Variants in SPAG16 observed in about 807,000 individuals in gnomAD.
SPAG16 encodes sperm-associated antigen 16 protein.
Under a neutral mutation model 80.4 loss-of-function variants are expected in SPAG16, and 86 were observed. That is an observed-to-expected ratio of 1.07 (90% confidence interval 0.90 to 1.28). SPAG16 has a LOEUF of 1.28. Ranked by LOEUF, SPAG16 falls within the 50% of genes most tolerant of loss-of-function variation. The pLI is 0.00. For synonymous variants in SPAG16, 294 were observed against 265.9 expected (o/e 1.11, Z -1.03); for missense variants, 870 against 765.3 (o/e 1.14, Z -1.61).
chr2:213,711,227 A>C lies in SPAG16; in HGVS notation c.1071-151258A>C, dbSNP rs773906824. Among the ~76,000 whole-genome samples, 7 of 152,232 alleles carry C rather than the reference A, an allele frequency of 4.6e-5. No homozygotes were observed. In the Middle Eastern group the frequency reaches 0.01, roughly 222 times the overall value. Reference sequence around the variant, plus strand: ...TATGTACTTTCCTCTCAGTTATCAGATGGTGACTTTTGGATAAATTGTTAT... The same window carrying C: ...TATGTACTTTCCTCTCAGTTATCAGCTGGTGACTTTTGGATAAATTGTTAT... On this transcript the variant is annotated intron_variant, in intron 10 of 15. Coordinates refer to ENST00000331683, the MANE Select transcript of SPAG16 (RefSeq NM_024532.5).
At chr2:213,643,357 T>C (rs2062684649) in intron 10 of SPAG16, among the ~76,000 whole-genome samples, 1 of 5,924 alleles carries the variant, frequency 1.7e-4, no homozygotes, top group Non-Finnish European at 3.0e-4. Context: ...TTTATATATA[T>C]ATATATATAT....
chr2:213,818,359 G>T (rs2072699754), intron 10 of SPAG16, among the ~76,000 whole-genome samples: 1 of 152,050 alleles, frequency 6.6e-6, no homozygotes, highest in Non-Finnish European at 1.5e-5. Flanking sequence ...CTTTATCTCA[G>T]GTCATTGTTT....
intron 13 of SPAG16, among the ~76,000 whole-genome samples, chr2:214,098,305 G>T (rs1157818767): frequency 6.6e-6 from 1 of 152,064 alleles, no homozygotes; most frequent in Non-Finnish European, 1.5e-5. Context: ...GCAAGGGGTT[G>T]AATTGTGTCC....
chr2:213,329,179 A>G (rs1025265497), intron 5 of SPAG16, among the ~76,000 whole-genome samples: 22 of 152,208 alleles, frequency 1.4e-4, no homozygotes, highest in African/African-American at 4.6e-4. Flanking sequence ...TGGTACCAGT[A>G]TAGTGGGCAT....
chr2:213,703,847 T>A (rs2125336097), intron 10 of SPAG16, among the ~76,000 whole-genome samples: 1 of 152,372 alleles, frequency 6.6e-6, no homozygotes, highest in South Asian at 2.1e-4. Flanking sequence ...TTGTCAGATC[T>A]GCATTGCAGT....
chr2:213,499,736 TC>T, intron 10 of SPAG16, among the ~76,000 whole-genome samples: 1 of 152,202 alleles, frequency 6.6e-6, no homozygotes, highest in Non-Finnish European at 1.5e-5. Flanking sequence ...GTTACTTCTG[TC>T]ATATGCTCAT....
chr2:213,718,651 G>A (rs1156405831), intron 10 of SPAG16, among the ~76,000 whole-genome samples: 2 of 152,166 alleles, frequency 1.3e-5, no homozygotes, highest in East Asian at 3.9e-4. Context: ...GGCTGCGGAG[G>A]GTGTACTGAG....
chr2:213,933,504 C>T (rs1437229235), intron 12 of SPAG16, among the ~76,000 whole-genome samples: 2 of 152,174 alleles, frequency 1.3e-5, no homozygotes, highest in Non-Finnish European at 1.5e-5. Context: ...CACACTGTTA[C>T]TCTGATATTT....
intron 1 of SPAG16, among the ~76,000 whole-genome samples, chr2:213,295,363 C>G (rs1446237175): frequency 1.3e-5 from 2 of 151,888 alleles, no homozygotes; most frequent in African/African-American, 4.8e-5. Context: ...TAAAGCAGTT[C>G]TCTTAGAATT....
intron 12 of SPAG16, among the ~76,000 whole-genome samples, chr2:214,006,882 A>C (rs76877243): frequency 6.6e-6 from 1 of 152,292 alleles, no homozygotes; most frequent in Non-Finnish European, 1.5e-5. Flanking sequence ...GTGAAGACCT[A>C]GCTTTTCTAT....
chr2:213,986,574 A>G (rs937127458), intron 12 of SPAG16, among the ~76,000 whole-genome samples: 6 of 152,052 alleles, frequency 3.9e-5, no homozygotes, highest in African/African-American at 1.2e-4. Context: ...TGTTAAACTT[A>G]TGAAATACTA....
intron 6 of SPAG16, among the ~76,000 whole-genome samples, chr2:213,346,665 T>G (rs955923565): frequency 1.9e-4 from 29 of 152,348 alleles, no homozygotes; most frequent in African/African-American, 6.7e-4. Context: ...TGGCTCTGTT[T>G]ATATGCTGGA....
intron 10 of SPAG16, among the ~76,000 whole-genome samples, chr2:213,766,527 G>A (rs990675993): frequency 6.6e-6 from 1 of 152,188 alleles, no homozygotes; most frequent in East Asian, 1.9e-4. Flanking sequence ...AGTCGAAAAT[G>A]AAAGTTAAGC....
At chr2:213,379,354 C>G (rs547832552) in intron 9 of SPAG16, among the ~76,000 whole-genome samples, 1 of 152,158 alleles carries the variant, frequency 6.6e-6, no homozygotes, top group African/African-American at 2.4e-5. Context: ...TCACCTAGTT[C>G]GTGTTGTAAT....
At chr2:214,407,845 A>G (rs1160935282) in intron 15 of SPAG16, among the ~76,000 whole-genome samples, 1 of 152,170 alleles carries the variant, frequency 6.6e-6, no homozygotes. Flanking sequence ...CAGCAAAACT[A>G]ATTTTTAAGT....
intron 10 of SPAG16, among the ~76,000 whole-genome samples, chr2:213,829,383 G>T (rs763211344): frequency 1.3e-5 from 2 of 151,998 alleles, no homozygotes; most frequent in African/African-American, 4.8e-5. Context: ...CCTAGGACTC[G>T]CTCTTCAGGG....
intron 10 of SPAG16, among the ~76,000 whole-genome samples, chr2:213,574,393 A>T (rs370718746): frequency 9.9e-5 from 15 of 152,228 alleles, no homozygotes; most frequent in African/African-American, 3.6e-4. Flanking sequence ...GGAGACAAGG[A>T]GCACTCTACA....
At chr2:213,300,173 A>C (rs2062678142) in intron 3 of SPAG16, among the ~76,000 whole-genome samples, 1 of 152,162 alleles carries the variant, frequency 6.6e-6, no homozygotes, top group Non-Finnish European at 1.5e-5. Flanking sequence ...TAAATATGAC[A>C]GTAGCAAGAC....
intron 15 of SPAG16, among the ~76,000 whole-genome samples, chr2:214,320,458 G>A (rs1011224812): frequency 6.6e-6 from 1 of 152,110 alleles, no homozygotes; most frequent in Admixed American, 6.5e-5. Context: ...TAAGCCCCAA[G>A]CATATATCCT....
Sources: allele counts gnomAD v4.1 joint callset (sites outside exome capture counted in the v4.1 genomes callset), GRCh38; gene constraint gnomAD v4.1.1; transcripts MANE v1.5; gene names NCBI Gene and HGNC (gene_info 2026-07-23, HGNC 2026-07-21).